The following C2CD2 variants were observed in gnomAD, a reference collection of about 807,000 sequenced individuals.
C2CD2 encodes C2 domain-containing protein 2.
In C2CD2, 43 loss-of-function variants were observed where a neutral mutation model predicts 74.3. The ratio of observed to expected loss-of-function variants is 0.58; its 90% CI spans 0.45 to 0.75. C2CD2 has a LOEUF of 0.75. C2CD2 is among the 30% of genes least tolerant of loss of function. The pLI, the probability that C2CD2 is intolerant of heterozygous loss-of-function variation, is 0.00. For synonymous variants in C2CD2, 422 were observed against 390.7 expected (o/e 1.08, Z -0.94); for missense variants, 801 against 916.3 (o/e 0.87, Z 1.63).
intron 8 of C2CD2, among the ~76,000 whole-genome samples, 195 bp downstream of exon 8, chr21:41,909,264 T>C (rs1006732412): frequency 2.0e-5 from 3 of 152,334 alleles, no homozygotes; most frequent in African/African-American, 2.4e-5. Context: ...CAGTTGAACA[T>C]TTCCCCAAAA....
intron 1 of C2CD2, among the ~76,000 whole-genome samples, chr21:41,943,585 A>C (rs1192094691): frequency 2.0e-5 from 3 of 152,142 alleles, no homozygotes; most frequent in Non-Finnish European, 4.4e-5. Context: ...ATCGTATCTC[A>C]TCTCCACCGT....
rs1415576286 is a variant in C2CD2 at position 41,929,515 on chromosome 21, G to T, written c.379-7430C>A. On this transcript the variant is annotated intron_variant, in intron 2 of 13. Coordinates refer to ENST00000380486, the MANE Select transcript of C2CD2 (RefSeq NM_015500.2). This position sits in a 1 kb window ranked among gnomAD's most constrained non-coding sequence, Gnocchi z 4.6. ...AGAAAGAAGGAAGTGCCCTAAACGA[G>T]CCCAGATCCAATCAGGGTCTCCCTG... is the stretch of plus-strand genomic sequence containing the variant. Among the ~76,000 whole-genome samples, 2 of 152,216 alleles carry T rather than the reference G, an allele frequency of 1.3e-5. No homozygotes were observed. Among genetic ancestry groups the T allele is most frequent in the African/African-American group, 4.8e-5 (2 of 41,464 alleles).
In C2CD2 at chr21:41,923,409, G is replaced by A. The variant is rs2065176977; in HGVS notation, c.379-1324C>T. ...TCAAAGCCATTAGCCAAGTTCTTTTGCTAAAAATGAGTCTTAAAGAGAAAG... is the reference window on the plus strand; with the variant it reads ...TCAAAGCCATTAGCCAAGTTCTTTTACTAAAAATGAGTCTTAAAGAGAAAG... On this transcript the variant is annotated intron_variant, in intron 2 of 13. Transcript: ENST00000380486. The surrounding 1 kb of genome is among the most constrained non-coding windows in gnomAD (Gnocchi z 5.8). 1.3e-5 allele frequency among the ~76,000 whole-genome samples: 2 copies of A among 152,128 alleles called. No individual in the cohort carries two copies. The highest frequency in any genetic ancestry group is 4.1e-4 in the South Asian group (2 of 4,826).
rs755080134 is a variant in C2CD2, at chr21:41,912,406, G to A, written c.879C>T (p.Asn293=). 27 of 1,612,528 alleles carry A rather than the reference G, an allele frequency of 1.7e-5. No individual in the cohort carries two copies. Among genetic ancestry groups the A allele is most frequent in the Non-Finnish European group, 2.2e-5 (26 of 1,179,684 alleles). ...HINAVCVVQL[N]DPVQRFSSTL... ...TGCTGGAGAACCTCTGAACAGGATC[G>A]TTCAGCTGCACGACGCACACTGCAT... The change falls in exon 7 of 14, where the codon AAC becomes AAT. Residue 293 remains asparagine, a synonymous_variant. Transcript: ENST00000380486.
At chr21:41,941,841 T>C (rs577407576) in intron 2 of C2CD2, among the ~76,000 whole-genome samples, 6 of 152,352 alleles carry the variant, frequency 3.9e-5, no homozygotes, top group African/African-American at 9.6e-5. Context: ...GGATGGTTCA[T>C]ATAAATGGAA....
chr21:41,913,545 C>T (rs1244525562), intron 6 of C2CD2, among the ~76,000 whole-genome samples: 1 of 152,158 alleles, frequency 6.6e-6, no homozygotes, highest in African/African-American at 2.4e-5. Context: ...AGGGAGCTCA[C>T]GTTTAGCCAC....
Position 41,926,351 on chromosome 21 carries a change from C to T in C2CD2, c.379-4266G>A, listed in dbSNP as rs1255021648. 6 of 679,038 alleles carry T rather than the reference C, an allele frequency of 8.8e-6. No individual in the cohort carries two copies. The highest frequency in any genetic ancestry group is 9.1e-6 in the Non-Finnish European group (5 of 550,448). The allele number at this position is 679,038 out of a possible 1,614,324, so 42.1% of individuals were successfully genotyped here. A position where few individuals can be genotyped will look rare whatever the true frequency, so the allele number is the denominator to read the frequency against. The stretch of plus-strand genomic sequence containing the variant: ...ACAGAGTGTTTTTCGGAGTGGGGGG[C>T]TATTCACGGTAAGTCAGGGTCTCCA... On this transcript the variant is annotated intron_variant, in intron 2 of 13. Coordinates refer to ENST00000380486, the MANE Select transcript of C2CD2 (RefSeq NM_015500.2). The surrounding 1 kb of genome is among the most constrained non-coding windows in gnomAD (Gnocchi z 8.0).
At chr21:41,911,808 A>G (rs574713575) in intron 7 of C2CD2, among the ~76,000 whole-genome samples, 2 of 152,144 alleles carry the variant, frequency 1.3e-5, no homozygotes, top group South Asian at 4.2e-4. Flanking sequence ...CTCCTGCGTC[A>G]GCCTCCCAAA....
chr21:41,910,061 T>C (rs2065009126), intron 7 of C2CD2, among the ~76,000 whole-genome samples: 1 of 151,184 alleles, frequency 6.6e-6, no homozygotes, highest in South Asian at 2.1e-4. Flanking sequence ...GTCGAACTCC[T>C]GAGCTCAAGC....
intron 10 of C2CD2, among the ~76,000 whole-genome samples, 182 bp from the exon 11 acceptor site, chr21:41,906,019 A>G (rs1483281684): frequency 1.3e-5 from 2 of 152,220 alleles, no homozygotes; most frequent in Non-Finnish European, 2.9e-5. Flanking sequence ...CCAGGTTGAA[A>G]TAAAATTTCA....
intron 11 of C2CD2, among the ~76,000 whole-genome samples, chr21:41,904,636 C>A (rs987025013): frequency 2.6e-5 from 4 of 152,150 alleles, no homozygotes; most frequent in Non-Finnish European, 5.9e-5. Context: ...ATCCAAAAAA[C>A]CATAAAACCT....
Position 41,899,933 on chromosome 21 carries a change from G to T in C2CD2, c.1561-571C>A, listed in dbSNP as rs2064873501. Among the ~76,000 whole-genome samples the T allele has an allele frequency of 6.6e-6, 1 of 151,740 alleles. No individual in the cohort carries two copies. Among genetic ancestry groups the T allele is most frequent in the African/African-American group, 2.4e-5 (1 of 41,258 alleles). ...GCACGGGGGCTCCCTTCCTTGGAGG[G>T]GAGAAAGTTTGGGGAGGAGGGCATG... On this transcript the variant is annotated intron_variant, in intron 12 of 13. Transcript: ENST00000380486. The surrounding 1 kb of genome is among the most constrained non-coding windows in gnomAD (Gnocchi z 4.4).
chr21:41,912,977 A>T (rs941680078), intron 6 of C2CD2, among the ~76,000 whole-genome samples: 2 of 152,224 alleles, frequency 1.3e-5, no homozygotes, highest in Non-Finnish European at 2.9e-5. Context: ...ATCAACAGCC[A>T]AGGGCTGTTG....
rs770623202 is a variant in C2CD2 at position 41,953,359 on chromosome 21, C to G, written c.279+11G>C. The G allele has an allele frequency of 1.8e-5, 25 of 1,409,922 alleles. No homozygotes were observed. The highest frequency in any genetic ancestry group is 2.2e-5 in the Non-Finnish European group (24 of 1,078,136). The allele number at this position is 1,409,922 out of a possible 1,614,324, so 87.3% of individuals were successfully genotyped here. A position where few individuals can be genotyped will look rare whatever the true frequency, so the allele number is the denominator to read the frequency against. On this transcript the variant is annotated intron_variant, in intron 1 of 13. Transcript: ENST00000380486. ...TCTGCCGCCCCCCGGCCCGCAGTCC[C>G]GGAAACTCACCCCTTTCCTCTCGGC... is the stretch of plus-strand genomic sequence containing the variant.
At position 41,953,770 on chromosome 21, in the gene C2CD2, T is replaced by G. The variant is rs2065470921; in HGVS notation, c.-122A>C. 10 of 957,462 alleles carry G rather than the reference T, an allele frequency of 1.0e-5. No individual in the cohort carries two copies. The highest frequency in any genetic ancestry group is 1.7e-5 in the African/African-American group (1 of 57,392). 59.3% of individuals were successfully genotyped at this position (957,462 alleles called of 1,614,324 possible). A position where few individuals can be genotyped will look rare whatever the true frequency, so the allele number is the denominator to read the frequency against. On this transcript the variant is annotated 5_prime_UTR_variant, in exon 1 of 14. Coordinates refer to ENST00000380486, the MANE Select transcript of C2CD2 (RefSeq NM_015500.2). ...GGGGCGTGGAGGGGGCGCGGCGGGG[T>G]CGGAGCCCGGCGAGGAGCGTGGCCG...
Position 41,924,954 on chromosome 21 carries a change from C to CT in C2CD2, c.379-2870dup, listed in dbSNP as rs1569075032. On this transcript the variant is annotated intron_variant, in intron 2 of 13. Transcript: ENST00000380486. The surrounding 1 kb of genome is among the most constrained non-coding windows in gnomAD (Gnocchi z 4.4). ...ATAAATAAGTAAATAGATAAAAAGA[C>CT]TTTAAAACTTCTAGAATGCGGGACT... Among the ~76,000 whole-genome samples the CT allele has an allele frequency of 6.6e-6, 1 of 152,164 alleles. No individual in the cohort carries two copies. Among genetic ancestry groups the CT allele is most frequent in the Non-Finnish European group, 1.5e-5 (1 of 68,038 alleles).
chr21:41,892,364 T>C lies in C2CD2; in HGVS notation c.1871-3020A>G, dbSNP rs527428570. On this transcript the variant is annotated intron_variant, in intron 13 of 13. Coordinates refer to ENST00000380486, the MANE Select transcript of C2CD2 (RefSeq NM_015500.2). The surrounding 1 kb of genome is among the most constrained non-coding windows in gnomAD (Gnocchi z 4.6). ...GCACCAGCAGCTCAGACTTCCAGCC[T>C]CCAGAACAGGGAAAGAATTGGCTCC... Among the ~76,000 whole-genome samples the C allele has an allele frequency of 2.0e-5, 3 of 152,150 alleles. No homozygotes were observed. The South Asian group carries it at 6.2e-4, about 32-fold the overall frequency.
At chr21:41,947,819 C>A (rs1391085651) in intron 1 of C2CD2, among the ~76,000 whole-genome samples, 1 of 152,150 alleles carries the variant, frequency 6.6e-6, no homozygotes, top group Non-Finnish European at 1.5e-5. Context: ...GATCGCACAG[C>A]TAGGAGGGTA....
intron 2 of C2CD2, among the ~76,000 whole-genome samples, chr21:41,936,148 C>T (rs1489138326): frequency 5.9e-5 from 9 of 152,140 alleles, no homozygotes; most frequent in South Asian, 2.1e-4. Flanking sequence ...GAACCATCAA[C>T]GGAGTGAAGA....
Sources: gnomAD v4.1 joint callset for allele counts (sites outside exome capture counted in the v4.1 genomes callset) on GRCh38, gnomAD v4.1.1 for gene constraint, Gnocchi (gnomAD v3.1) non-coding constraint, MANE v1.5 for transcripts, NCBI Gene and HGNC (gene_info 2026-07-23, HGNC 2026-07-21) for gene names.